SKI: variants seen among roughly 807,000 people sequenced by gnomAD.
The protein encoded by SKI is SKI proto-oncogene.
A neutral mutation model predicts 59.3 loss-of-function variants in SKI; 23 were observed. That is an observed-to-expected ratio of 0.39 (90% CI 0.28 to 0.55). The LOEUF is 0.55. Among genes scored for constraint, SKI ranks in the 20% least tolerant of loss-of-function variants. SKI has a pLI of 0.67. For missense variants in SKI, 1,017 were observed against 1,038.9 expected (o/e 0.98, Z 0.29); for synonymous variants, 673 against 488.6 (o/e 1.38, Z -4.98).
intron 1 of SKI, among the ~76,000 whole-genome samples, chr1:2,234,958 C>T (rs1349024791): frequency 6.6e-6 from 1 of 152,004 alleles, no homozygotes; most frequent in Non-Finnish European, 1.5e-5. Flanking sequence ...TTACACCTGG[C>T]CTCCAGAGCG....
rs899882943 is a variant in SKI at position 2,267,136 on chromosome 1, C to T, written c.970-35842C>T. On this transcript the variant is annotated intron_variant, in intron 1 of 6. Coordinates refer to ENST00000378536, the MANE Select transcript of SKI (RefSeq NM_003036.4). The surrounding 1 kb of genome is among the most constrained non-coding windows in gnomAD (Gnocchi z 4.1). ...CGGGAATTGATTATGAACAAAGTGC[C>T]ATGATTTTGACTATTCAGGCGAGCA... 6.6e-6 allele frequency among the ~76,000 whole-genome samples: 1 copy of T among 152,280 alleles called. No homozygotes were observed. Among genetic ancestry groups the T allele is most frequent in the African/African-American group, 2.4e-5 (1 of 41,546 alleles).
intron 1 of SKI, among the ~76,000 whole-genome samples, chr1:2,273,351 G>A (rs4648819): frequency 0.91 from 138,220 of 151,830 alleles, 63,047 homozygotes; most frequent in East Asian, 1. Context: ...GTATGTGGAA[G>A]GACAGCAGCT....
rs1640595885 is a variant in SKI at position 2,306,724 on chromosome 1, G to A, written c.2146G>A (p.Glu716Lys). The A allele has an allele frequency of 6.5e-7, 1 of 1,533,830 alleles. No individual in the cohort carries two copies. The highest frequency in any genetic ancestry group is 8.8e-7 in the Non-Finnish European group (1 of 1,141,770). The change falls in exon 7 of 7, where the codon GAG (glutamate) becomes AAG (lysine). Residue 716 changes from glutamate (E) to lysine (K), a missense_variant. Transcript: ENST00000378536. The stretch of plus-strand genomic sequence containing the variant: ...ACAGCTGTGGCCGCGGGCCCGCCCC[G>A]AGGCTGCGGGCAGCGAGGGCGCTGC... Reference protein sequence around the residue: ...QEQLWPRARPEAAGSEGAAEL... With the variant: ...QEQLWPRARPKAAGSEGAAEL...
At chr1:2,275,429 G>A (rs1346035672) in intron 1 of SKI, among the ~76,000 whole-genome samples, 2 of 152,246 alleles carry the variant, frequency 1.3e-5, no homozygotes, top group African/African-American at 4.8e-5. Context: ...GGCCTGGCCG[G>A]TGTGGGCAGC....
Position 2,304,423 on chromosome 1 carries a change from C to T in SKI, c.1605C>T (p.Pro535=). 1.3e-6 allele frequency: 2 copies of T among 1,557,392 alleles called. No homozygotes were observed. Among genetic ancestry groups the T allele is most frequent in the Non-Finnish European group, 1.7e-6 (2 of 1,151,264 alleles). The change falls in exon 5 of 7, where the codon CCC becomes CCT. Residue 535 remains proline (P), a synonymous_variant. Transcript: ENST00000378536. The stretch of plus-strand genomic sequence containing the variant: ...ATGCTGCGGCCCCTGCCGACGCCCC[C>T]AGTGGGCTGGAGGCGGAGCTGGAGC... ...VPDAAAPADA[P]SGLEAELEHL... is the part of the protein sequence containing the mutation.
rs1177289208 is a variant in SKI, at chr1:2,280,627, GCGGCGGCGA to G, written c.970-22350_970-22342del. Among the ~76,000 whole-genome samples, 89 of 144,966 alleles carry G rather than the reference GCGGCGGCGA, an allele frequency of 6.1e-4. 2 individuals carry two copies. The highest frequency in any genetic ancestry group is 2.9e-3 in the East Asian group (14 of 4,808). The stretch of plus-strand genomic sequence containing the variant: ...GAGAAGATGCCCGAGAAGACAGGCG[GCGGCGGCGA>G]TCTTCAGAGAGAGGACACCCGAGAA... On this transcript the variant is annotated intron_variant, in intron 1 of 6. Coordinates refer to ENST00000378536, the MANE Select transcript of SKI (RefSeq NM_003036.4).
intron 1 of SKI, among the ~76,000 whole-genome samples, chr1:2,298,124 G>A (rs1483640845): frequency 6.6e-6 from 1 of 152,152 alleles, no homozygotes; most frequent in Non-Finnish European, 1.5e-5. Context: ...CTGCTCAACC[G>A]CTCTGCCACT....
At chr1:2,256,012 T>C (rs1639266446) in intron 1 of SKI, among the ~76,000 whole-genome samples, 1 of 151,818 alleles carries the variant, frequency 6.6e-6, no homozygotes, top group Non-Finnish European at 1.5e-5. Context: ...TGCAACACAC[T>C]GTGCCCGGAC....
In SKI at chr1:2,306,104, C is replaced by T. The variant is rs757791217; in HGVS notation, c.1852C>T (p.Arg618Cys). 1.9e-6 allele frequency: 3 copies of T among 1,599,930 alleles called. No homozygotes were observed. The highest frequency in any genetic ancestry group is 1.1e-5 in the South Asian group (1 of 88,584). Reference protein sequence around the residue: ...AKRNLRKEIERLRAENEKKMK... With the variant: ...AKRNLRKEIECLRAENEKKMK... The stretch of plus-strand genomic sequence containing the variant: ...GCGTAACCTGCGGAAGGAGATCGAG[C>T]GTCTCCGCGCCGAGAACGAGAAGAA... Residue 618 changes from arginine to cysteine, a missense_variant, in exon 6 of 7, where the codon CGT (arginine) becomes TGT (cysteine). Arg to Cys is a radical substitution (Grantham distance 180, BLOSUM62 -3). Transcript: ENST00000378536.
intron 1 of SKI, among the ~76,000 whole-genome samples, chr1:2,302,287 T>G (rs1306070727): frequency 1.3e-5 from 2 of 152,126 alleles, no homozygotes; most frequent in Non-Finnish European, 2.9e-5. Context: ...GCACCGGGGC[T>G]GGCAAGGAGC....
Position 2,228,323 on chromosome 1 carries a change from C to T in SKI, c.-444C>T, listed in dbSNP as rs1294018376. On this transcript the variant is annotated 5_prime_UTR_variant, in exon 1 of 7. Transcript: ENST00000378536. ...GGGCCCCGCGCCCGCGCCCCCGCTC[C>T]TCCCGGGCCCCTCGGCCTCGGCCGC... is the stretch of plus-strand genomic sequence containing the variant. 2.8e-5 allele frequency among the ~76,000 whole-genome samples: 4 copies of T among 142,732 alleles called. No homozygotes were observed. Among genetic ancestry groups the T allele is most frequent in the South Asian group, 2.1e-4 (1 of 4,726 alleles). 93.6% of individuals were successfully genotyped at this position (142,732 alleles called of 152,430 possible).
chr1:2,231,110 T>G (rs1439320352), intron 1 of SKI, among the ~76,000 whole-genome samples: 2 of 152,128 alleles, frequency 1.3e-5, no homozygotes, highest in Non-Finnish European at 2.9e-5. Flanking sequence ...GGGCCCTTCG[T>G]GTCACACGGG....
Position 2,229,482 on chromosome 1 carries a change from G to A in SKI, c.716G>A (p.Ser239Asn), listed in dbSNP as rs776935614. ...KGLLVPELYS[S>N]PSAACIQCLD... ...CTGCTGGTGCCCGAGCTCTACAGCA[G>A]CCCGAGCGCCGCCTGCATCCAGTGC... Residue 239 changes from serine (S) to asparagine (N), a missense_variant, in exon 1 of 7, where the codon AGC becomes AAC. Transcript: ENST00000378536. The surrounding 1 kb of genome is among the most constrained non-coding windows in gnomAD (Gnocchi z 6.3). The A allele has an allele frequency of 6.2e-7, 1 of 1,611,420 alleles. No individual in the cohort carries two copies. The highest frequency in any genetic ancestry group is 8.5e-7 in the Non-Finnish European group (1 of 1,179,836).
chr1:2,239,592 C>T (rs746344600), intron 1 of SKI, among the ~76,000 whole-genome samples: 14 of 152,220 alleles, frequency 9.2e-5, no homozygotes, highest in Non-Finnish European at 1.9e-4. Flanking sequence ...GCCCGCGTGC[C>T]GGGGACCCGC....
At chr1:2,287,921 G>T (rs1409583792) in intron 1 of SKI, among the ~76,000 whole-genome samples, 1 of 152,012 alleles carries the variant, frequency 6.6e-6, no homozygotes, top group Non-Finnish European at 1.5e-5. Context: ...GGCGCTCCTG[G>T]CCCTGGCCTG....
At chr1:2,290,564 G>T (rs1453544370) in intron 1 of SKI, among the ~76,000 whole-genome samples, 2 of 151,884 alleles carry the variant, frequency 1.3e-5, no homozygotes, top group Non-Finnish European at 2.9e-5. Flanking sequence ...CAGAGCTTCT[G>T]ACCTCATCAG....
At chr1:2,264,557 C>T (rs1639458378) in intron 1 of SKI, among the ~76,000 whole-genome samples, 1 of 152,148 alleles carries the variant, frequency 6.6e-6, no homozygotes, top group Non-Finnish European at 1.5e-5. Context: ...GGGTGAGCCA[C>T]TGCGTCCGGC....
At chr1:2,251,953 T>C (rs1639160564) in intron 1 of SKI, among the ~76,000 whole-genome samples, 1 of 152,138 alleles carries the variant, frequency 6.6e-6, no homozygotes, top group South Asian at 2.1e-4. Context: ...CCAGCTGTCA[T>C]GTCCGTTGAC....
chr1:2,263,866 CAAAA>C (rs34134821), intron 1 of SKI, among the ~76,000 whole-genome samples: 4 of 95,496 alleles, frequency 4.2e-5, no homozygotes, highest in Non-Finnish European at 6.5e-5. Context: ...GACTCCATCT[CAAAA>C]AAAAAAAAAA....
Sources: gnomAD v4.1 joint callset for allele counts (sites outside exome capture counted in the v4.1 genomes callset) on GRCh38, gnomAD v4.1.1 for gene constraint, Gnocchi (gnomAD v3.1) non-coding constraint, MANE v1.5 for transcripts, NCBI Gene and HGNC (gene_info 2026-07-23, HGNC 2026-07-21) for gene names.